The following RBFOX1 variants were observed in gnomAD, a reference collection of about 807,000 sequenced individuals.
The protein encoded by RBFOX1 is RNA binding fox-1 homolog 1, also known as RNA binding protein fox-1 homolog 1.
In RBFOX1, 8 loss-of-function variants were observed where a neutral mutation model predicts 57.7. The observed-to-expected ratio is 0.14, with a 90% CI of 0.08 to 0.25. The LOEUF is 0.25. Ranked by LOEUF, RBFOX1 falls within the 10% of genes least tolerant of loss-of-function variation. The probability of loss-of-function intolerance (pLI) is 1.00; values close to 1 mark genes in which losing one functional copy is unlikely to be tolerated. For missense variants in RBFOX1, 611 were observed against 548.5 expected, an observed-to-expected ratio of 1.11 and a Z score of -1.14; for synonymous variants, 326 against 222.4, an observed-to-expected ratio of 1.47 and a Z score of -4.15.
chr16:5,778,734 G>T (rs1248787580), intron 3 of RBFOX1, among the ~76,000 whole-genome samples: 1 of 152,116 alleles, frequency 6.6e-6, no homozygotes, highest in African/African-American at 2.4e-5. Context: ...GTGAATAGGA[G>T]GTGACCAGAG....
intron 4 of RBFOX1, among the ~76,000 whole-genome samples, chr16:7,129,306 TG>T (rs1445949972): frequency 6.6e-6 from 1 of 152,202 alleles, no homozygotes; most frequent in Non-Finnish European, 1.5e-5. Context: ...TTCATCGGTT[TG>T]GTTAGATTTG....
chr16:7,205,334 A>G (rs2089702852), intron 4 of RBFOX1, among the ~76,000 whole-genome samples: 1 of 152,030 alleles, frequency 6.6e-6, no homozygotes, highest in East Asian at 1.9e-4. Flanking sequence ...TCTGGCCAAC[A>G]TGGTGAAACC....
At chr16:7,034,261 A>T (rs1391441374) in intron 3 of RBFOX1, among the ~76,000 whole-genome samples, 1 of 152,098 alleles carries the variant, frequency 6.6e-6, no homozygotes, top group Non-Finnish European at 1.5e-5. Flanking sequence ...GTTCAAGGGG[A>T]TAATGATAAT....
At chr16:7,046,008 T>C (rs1353534039) in intron 3 of RBFOX1, among the ~76,000 whole-genome samples, 2 of 152,194 alleles carry the variant, frequency 1.3e-5, no homozygotes, top group Non-Finnish European at 2.9e-5. Flanking sequence ...ACTATTACTA[T>C]ACATTTTTAA....
At chr16:6,720,152 C>G (rs1282085477) in intron 3 of RBFOX1, among the ~76,000 whole-genome samples, 1 of 151,832 alleles carries the variant, frequency 6.6e-6, no homozygotes, top group Non-Finnish European at 1.5e-5. Flanking sequence ...GCATGCTTAG[C>G]AAAATATCTG....
At chr16:6,577,581 C>G (rs1020923151) in intron 2 of RBFOX1, among the ~76,000 whole-genome samples, 1 of 152,210 alleles carries the variant, frequency 6.6e-6, no homozygotes, top group African/African-American at 2.4e-5. Flanking sequence ...TTCTGGGACA[C>G]TCTACAGAGA....
intron 1 of RBFOX1, among the ~76,000 whole-genome samples, chr16:6,062,438 C>T (rs545448270): frequency 6.6e-6 from 1 of 151,958 alleles, no homozygotes; most frequent in Non-Finnish European, 1.5e-5. Flanking sequence ...ACAAAAGATA[C>T]CCTTATCACT....
chr16:6,225,675 T>C (rs1462987771), intron 1 of RBFOX1, among the ~76,000 whole-genome samples: 1 of 152,170 alleles, frequency 6.6e-6, no homozygotes, highest in Non-Finnish European at 1.5e-5. Context: ...AATTTAGGCA[T>C]AAAATGTAAT....
chr16:7,372,240 G>A (rs1423421073), intron 4 of RBFOX1, among the ~76,000 whole-genome samples: 1 of 152,100 alleles, frequency 6.6e-6, no homozygotes, highest in Non-Finnish European at 1.5e-5. Context: ...CGGAGCTGGA[G>A]TTCACGTAAG....
At chr16:7,072,825 T>A (rs1005430385) in intron 4 of RBFOX1, among the ~76,000 whole-genome samples, 3 of 152,248 alleles carry the variant, frequency 2.0e-5, no homozygotes, top group Non-Finnish European at 4.4e-5. Flanking sequence ...CCAGTTTTAT[T>A]CCTGGGAGGA....
At chr16:6,669,000 G>T (rs146638237) in intron 3 of RBFOX1, among the ~76,000 whole-genome samples, 1 of 152,128 alleles carries the variant, frequency 6.6e-6, no homozygotes, top group Non-Finnish European at 1.5e-5. Context: ...TTTCTCTTCA[G>T]TTGGTGGGTT....
chr16:6,051,430 C>G (rs187306000), intron 1 of RBFOX1, among the ~76,000 whole-genome samples: 1 of 152,134 alleles, frequency 6.6e-6, no homozygotes, highest in Admixed American at 6.5e-5. Flanking sequence ...TGGGTTCAAG[C>G]GATTCTCATG....
At chr16:6,541,815 C>T (rs191138609) in intron 2 of RBFOX1, among the ~76,000 whole-genome samples, 13 of 152,146 alleles carry the variant, frequency 8.5e-5, no homozygotes, top group Non-Finnish European at 1.3e-4. Context: ...AAGAGGTGAG[C>T]GAAAAAGACT....
chr16:7,612,628 T>A (rs995791352), intron 10 of RBFOX1, among the ~76,000 whole-genome samples: 2 of 151,884 alleles, frequency 1.3e-5, no homozygotes, highest in Non-Finnish European at 2.9e-5. Context: ...TATATATATT[T>A]TTAAAAGCAG....
chr16:6,586,107 C>T (rs931453743), intron 2 of RBFOX1, among the ~76,000 whole-genome samples: 4 of 152,166 alleles, frequency 2.6e-5, no homozygotes, highest in African/African-American at 9.7e-5. Flanking sequence ...ATAAATCCAT[C>T]ATCAGAAGCA....
At chr16:5,635,483 T>C (rs573803800) in intron 3 of RBFOX1, among the ~76,000 whole-genome samples, 1 of 152,342 alleles carries the variant, frequency 6.6e-6, no homozygotes, top group South Asian at 2.1e-4. Flanking sequence ...AGGGGCTTCA[T>C]TGATTAGAGC....
intron 3 of RBFOX1, among the ~76,000 whole-genome samples, chr16:6,849,837 C>G (rs2093971546): frequency 6.6e-6 from 1 of 152,098 alleles, no homozygotes; most frequent in African/African-American, 2.4e-5. Context: ...TTTTCTTTGT[C>G]CGTTGTGCCT....
intron 3 of RBFOX1, among the ~76,000 whole-genome samples, chr16:6,673,093 C>A (rs1011270177): frequency 6.6e-6 from 1 of 152,282 alleles, no homozygotes; most frequent in Non-Finnish European, 1.5e-5. Context: ...AGATTGGTCA[C>A]GTAAATGCAA....
rs193027288 is a variant in RBFOX1, at chr16:5,839,646, A to G, written c.319-27657A>G. Reference sequence around the variant, plus strand: ...GTGGTTCCGGGACTAGTTCAACAGCATCAGGAATTCAAGCTTTACTTAACA... The same window carrying G: ...GTGGTTCCGGGACTAGTTCAACAGCGTCAGGAATTCAAGCTTTACTTAACA... On this transcript the variant is annotated intron_variant, in intron 3 of 19. Coordinates refer to the RBFOX1 transcript ENST00000641259. Among the ~76,000 whole-genome samples the G allele has an allele frequency of 1.5e-3, 225 of 152,344 alleles. 1 individual carries two copies. The highest frequency in any genetic ancestry group is 0.014 in the Middle Eastern group (4 of 294).
Sources: gnomAD v4.1 joint callset for allele counts (sites outside exome capture counted in the v4.1 genomes callset) on GRCh38, gnomAD v4.1.1 for gene constraint, MANE v1.5 for transcripts, NCBI Gene and HGNC (gene_info 2026-07-23, HGNC 2026-07-21) for gene names.